Variants in BLTP1 observed in about 807,000 individuals in gnomAD.
BLTP1 encodes the protein bridge-like lipid transfer protein family member 1.
At chr4:122,214,445 G>A in the BLTP1 span, 1 of 965,344 alleles carries the variant, frequency 1.0e-6, no homozygotes, top group Non-Finnish European at 1.2e-6. Flanking sequence ...GATAGTTTAA[G>A]CTTACATGCC....
the BLTP1 span, among the ~76,000 whole-genome samples, chr4:122,266,514 A>G: frequency 2.0e-5 from 3 of 152,100 alleles, no homozygotes; most frequent in African/African-American, 7.2e-5. Context: ...TTTTCCTTGT[A>G]CTTTCAGACA....
the BLTP1 span, chr4:122,172,002 T>A: frequency 1.2e-6 from 1 of 829,720 alleles, no homozygotes; most frequent in Non-Finnish European, 1.5e-6. Flanking sequence ...TGATTTATAG[T>A]AAAAATTTAT....
chr4:122,163,885 A>G, the BLTP1 span, among the ~76,000 whole-genome samples: 1 of 152,288 alleles, frequency 6.6e-6, no homozygotes, highest in African/African-American at 2.4e-5. Flanking sequence ...GTTCCATAAT[A>G]ACTGCCTTCT....
At chr4:122,193,617 TA>T in the BLTP1 span, 1 of 733,096 alleles carries the variant, frequency 1.4e-6, no homozygotes, top group Non-Finnish European at 1.7e-6. Context: ...AGGGAGCATC[TA>T]AGTTTTTATG....
chr4:122,262,599 C>T, the BLTP1 span: 30 of 330,536 alleles, frequency 9.1e-5, no homozygotes, highest in Non-Finnish European at 1.2e-4. Flanking sequence ...CATTTAAGGA[C>T]GTATGTAAAA....
At chr4:122,262,694 ATAGTGG>A in the BLTP1 span, 1 of 1,500,270 alleles carries the variant, frequency 6.7e-7, no homozygotes, top group Non-Finnish European at 8.9e-7. Context: ...AGTAATAGTA[ATAGTGG>A]TTGTAGTTAT....
At chr4:122,217,902 A>C in the BLTP1 span, among the ~76,000 whole-genome samples, 1 of 151,916 alleles carries the variant, frequency 6.6e-6, no homozygotes, top group Admixed American at 6.6e-5. Flanking sequence ...TTTGTTATTC[A>C]TCTGTTCAGA....
the BLTP1 span, chr4:122,237,241 A>G: frequency 4.1e-6 from 4 of 985,254 alleles, no homozygotes; most frequent in African/African-American, 5.2e-5. Context: ...GTTGAGCAAG[A>G]GTTATTTTTT....
the BLTP1 span, chr4:122,174,623 C>G: frequency 3.7e-6 from 6 of 1,605,230 alleles, no homozygotes; most frequent in Non-Finnish European, 5.1e-6. Flanking sequence ...TTCGTGAAAT[C>G]TATTACATTA....
the BLTP1 span, chr4:122,301,183 C>A: frequency 2.5e-6 from 3 of 1,199,550 alleles, no homozygotes; most frequent in East Asian, 8.5e-5. Flanking sequence ...AGCTAAAGAT[C>A]TCTGTATCAG....
the BLTP1 span, chr4:122,272,089 C>T: frequency 6.5e-7 from 1 of 1,532,258 alleles, no homozygotes; most frequent in Non-Finnish European, 8.8e-7. Context: ...AAAGGTAAGA[C>T]AATGTTTGGA....
the BLTP1 span, chr4:122,334,423 A>G: frequency 3.7e-6 from 6 of 1,613,050 alleles, no homozygotes; most frequent in East Asian, 2.2e-5. Context: ...ACACTGTCCA[A>G]AGAGTCCAAG....
chr4:122,341,883 A>G, the BLTP1 span: 1 of 895,174 alleles, frequency 1.1e-6, no homozygotes. Context: ...AGCGAAGCAG[A>G]GAACTGGGGG....
the BLTP1 span, among the ~76,000 whole-genome samples, chr4:122,159,452 ACT>A: frequency 1.3e-5 from 2 of 149,316 alleles, no homozygotes; most frequent in African/African-American, 5.0e-5. Context: ...ACAGAGTGAG[ACT>A]CTGTCCCAAA....
At chr4:122,196,809 A>T in the BLTP1 span, 4 of 1,254,496 alleles carry the variant, frequency 3.2e-6, no homozygotes, top group African/African-American at 3.1e-5. Flanking sequence ...TTATAATAAT[A>T]TAGTAGAAAA....
chr4:122,269,813 C>A, the BLTP1 span: 1 of 399,378 alleles, frequency 2.5e-6, no homozygotes, highest in Non-Finnish European at 3.4e-6. Flanking sequence ...TGTCTCTTTG[C>A]TGTCTCTAGT....
chr4:122,153,854 T>G, the BLTP1 span: 1 of 273,158 alleles, frequency 3.7e-6, no homozygotes, highest in Non-Finnish European at 5.6e-6. Context: ...ATTTTATACT[T>G]AGGAGTATTT....
At chr4:122,306,580 C>G in the BLTP1 span, 3 of 984,196 alleles carry the variant, frequency 3.0e-6, no homozygotes, top group Non-Finnish European at 3.6e-6. Context: ...AGGAGTTCAC[C>G]AGGGAGATAA....
the BLTP1 span, chr4:122,240,209 G>T: frequency 3.1e-6 from 5 of 1,614,150 alleles, no homozygotes; most frequent in South Asian, 5.5e-5. Flanking sequence ...ACCTTACTCA[G>T]TTCCAGGTAA....
Sources: gnomAD v4.1 joint callset for allele counts (sites outside exome capture counted in the v4.1 genomes callset) on GRCh38, gnomAD v4.1.1 for gene constraint, MANE v1.5 for transcripts, NCBI Gene and HGNC (gene_info 2026-07-23, HGNC 2026-07-21) for gene names.